Variants in ZDHHC15 observed in about 807,000 individuals in gnomAD.
The protein encoded by ZDHHC15 is palmitoyltransferase ZDHHC15.
Under a neutral mutation model 31.7 loss-of-function variants are expected in ZDHHC15, and 19 were observed. That is an observed-to-expected ratio of 0.60 (90% CI 0.42 to 0.88). The LOEUF is 0.88. Among genes scored for constraint, ZDHHC15 ranks in the 40% least tolerant of loss-of-function variants. The pLI is 0.00. For synonymous variants in ZDHHC15, 103 were observed against 90.0 expected (o/e 1.14, Z -0.82); for missense variants, 209 against 251.2 (o/e 0.83, Z 1.14).
rs746499354 is a variant in ZDHHC15, at chrX:75,434,995, G to A, written c.380-3475C>T. Among the ~76,000 whole-genome samples the A allele has an allele frequency of 1.4e-4, 16 of 111,882 alleles. No individual in the cohort carries two copies. The East Asian group carries it at 2.5e-3, about 18-fold the overall frequency. On this transcript the variant is annotated intron_variant, in intron 4 of 11. Coordinates refer to ENST00000373367, the MANE Select transcript of ZDHHC15 (RefSeq NM_144969.3). The stretch of plus-strand genomic sequence containing the variant: ...ATGGGATGTGTTTCCATTTGTTTAC[G>A]TTGTCTATGATTTCTTTCAGCAGTG...
chrX:75,490,442 T>C (rs2084864258), intron 2 of ZDHHC15, among the ~76,000 whole-genome samples: 1 of 111,815 alleles, frequency 8.9e-6, no homozygotes, highest in African/African-American at 3.3e-5. Flanking sequence ...TATTCAACAT[T>C]CTTAAAGAAA....
intron 3 of ZDHHC15, among the ~76,000 whole-genome samples, chrX:75,451,573 A>G (rs912714037): frequency 8.9e-6 from 1 of 111,868 alleles, no homozygotes; most frequent in Non-Finnish European, 1.9e-5. Context: ...CATTTATTCT[A>G]TCTGTGCCGA....
intron 1 of ZDHHC15, among the ~76,000 whole-genome samples, chrX:75,516,295 A>G (rs886580695): frequency 3.6e-5 from 4 of 112,309 alleles, no homozygotes; most frequent in African/African-American, 1.3e-4. Flanking sequence ...CTAAGCCAAA[A>G]GAACAAAGCT....
chrX:75,373,271 A>G (rs2083020212), intron 11 of ZDHHC15, among the ~76,000 whole-genome samples: 1 of 111,450 alleles, frequency 9.0e-6, no homozygotes, highest in African/African-American at 3.3e-5. Context: ...ATAATTTGAT[A>G]CTTCAAAAAT....
At chrX:75,406,709 CAAA>C (rs34310729) in intron 10 of ZDHHC15, among the ~76,000 whole-genome samples, 13 of 71,206 alleles carry the variant, frequency 1.8e-4, no homozygotes, top group Admixed American at 4.4e-4. Flanking sequence ...AGTCTTCCAT[CAAA>C]AAAAAAAAAA....
intron 10 of ZDHHC15, among the ~76,000 whole-genome samples, chrX:75,409,970 A>G (rs2083467022): frequency 9.0e-6 from 1 of 110,829 alleles, no homozygotes; most frequent in Non-Finnish European, 1.9e-5. Context: ...AAAGGTGCCA[A>G]GAACATACAA....
rs1458364007 is a variant in ZDHHC15 at position 75,491,531 on chromosome X, C to T, written c.164-12546G>A. Among the ~76,000 whole-genome samples, 7 of 106,316 alleles carry T rather than the reference C, an allele frequency of 6.6e-5. No homozygotes were observed. The East Asian group carries it at 8.9e-4, about 14-fold the overall frequency. The allele number at this position is 106,316 out of a possible 115,157, so 92.3% of individuals were successfully genotyped here. ...AGGAGATATACCTAATGCTAAATGACGAGCTAATGGGTGCAGCACACCAGC... is the reference window on the plus strand; with the variant it reads ...AGGAGATATACCTAATGCTAAATGATGAGCTAATGGGTGCAGCACACCAGC... On this transcript the variant is annotated intron_variant, in intron 2 of 11. Transcript: ENST00000373367.
At chrX:75,440,349 G>A (rs1429906196) in intron 4 of ZDHHC15, among the ~76,000 whole-genome samples, 1 of 110,405 alleles carries the variant, frequency 9.1e-6, no homozygotes, top group Non-Finnish European at 1.9e-5. Flanking sequence ...GCACGATCTC[G>A]GCTCAATGCA....
At chrX:75,464,801 T>C (rs1160590178) in intron 3 of ZDHHC15, among the ~76,000 whole-genome samples, 2 of 111,744 alleles carry the variant, frequency 1.8e-5, no homozygotes, top group African/African-American at 6.5e-5. Context: ...TGAAGGAACA[T>C]ACCTCAAAAT....
chrX:75,488,307 T>C (rs906972896), intron 2 of ZDHHC15, among the ~76,000 whole-genome samples: 15 of 111,900 alleles, frequency 1.3e-4, no homozygotes, highest in Non-Finnish European at 2.8e-4. Flanking sequence ...ACCTAGCAGA[T>C]TAACAGCAGA....
intron 10 of ZDHHC15, among the ~76,000 whole-genome samples, chrX:75,391,406 C>A (rs1351920410): frequency 9.0e-6 from 1 of 111,400 alleles, no homozygotes; most frequent in Admixed American, 9.6e-5. Context: ...CCAAATAGGA[C>A]TACATCGAGA....
At chrX:75,485,427 A>G (rs7878508) in intron 2 of ZDHHC15, among the ~76,000 whole-genome samples, 19,913 of 110,469 alleles carry the variant, frequency 0.18, 1,966 homozygotes, top group East Asian at 0.85. Flanking sequence ...ATAGGTACAC[A>G]GCTATGGTGG....
At position 75,453,385 on chromosome X, in the gene ZDHHC15, G is replaced by A. The variant is rs182075020; in HGVS notation, c.259-2463C>T. The stretch of plus-strand genomic sequence containing the variant: ...TAGACCAATAACAGGAGCTGAAATT[G>A]AGACAATAATTAATAGCCTACCAAA... On this transcript the variant is annotated intron_variant, in intron 3 of 11. Transcript: ENST00000373367. Among the ~76,000 whole-genome samples, 5 of 111,553 alleles carry A rather than the reference G, an allele frequency of 4.5e-5. No homozygotes were observed. The Admixed American group carries it at 4.8e-4, about 11-fold the overall frequency.
chrX:75,398,952 C>A (rs939313734), intron 10 of ZDHHC15, among the ~76,000 whole-genome samples: 1 of 112,287 alleles, frequency 8.9e-6, no homozygotes, highest in South Asian at 3.7e-4. Flanking sequence ...CCACTTCCTA[C>A]AGGTGCCTTT....
rs773780705 is a variant in ZDHHC15 at position 75,431,513 on chromosome X, T to A, written c.387A>T (p.Arg129=). The change falls in exon 5 of 12, where the codon CGA becomes CGT. Residue 129 remains arginine, a synonymous_variant. Coordinates refer to ENST00000373367, the MANE Select transcript of ZDHHC15 (RefSeq NM_144969.3). ...TGATCAGATGACACCGGTCACAGAA[T>A]CGTACAGCTATAAAAAAAAAAATAA... ...VYTRTGSGAV[R]FCDRCHLIKP... is the part of the protein sequence containing the mutation. The A allele has an allele frequency of 3.3e-6, 4 of 1,206,688 alleles. No homozygotes were observed. The Admixed American group carries it at 8.8e-5, about 27-fold the overall frequency.
rs769525105 is a variant in ZDHHC15 at position 75,476,330 on chromosome X, T to C, written c.258+2561A>G. Among the ~76,000 whole-genome samples, 75 of 110,797 alleles carry C rather than the reference T, an allele frequency of 6.8e-4. 1 individual carries two copies. The highest frequency in any genetic ancestry group is 1.2e-3 in the Non-Finnish European group (62 of 52,876). ...TTGATAGAATTCATCTGTGAAGCCA[T>C]CTGGTCCTTGGGTTTTCTTTGTTGG... On this transcript the variant is annotated intron_variant, in intron 3 of 11. Transcript: ENST00000373367.
intron 4 of ZDHHC15, among the ~76,000 whole-genome samples, chrX:75,442,718 G>A (rs2083960406): frequency 9.0e-6 from 1 of 111,576 alleles, no homozygotes; most frequent in Admixed American, 9.5e-5. Flanking sequence ...CGGGCGCGGT[G>A]GCTCACGCCT....
chrX:75,518,018 C>T (rs777449473), intron 1 of ZDHHC15, among the ~76,000 whole-genome samples: 4 of 109,811 alleles, frequency 3.6e-5, no homozygotes, highest in Non-Finnish European at 7.6e-5. Flanking sequence ...AAAACCAAAA[C>T]CAACCAACCA....
intron 4 of ZDHHC15, among the ~76,000 whole-genome samples, chrX:75,444,038 A>G (rs2083987485): frequency 9.0e-6 from 1 of 110,607 alleles, no homozygotes; most frequent in Non-Finnish European, 1.9e-5. Flanking sequence ...AACTAGTTCA[A>G]CCATTGTGAA....
Sources: allele counts gnomAD v4.1 joint callset (sites outside exome capture counted in the v4.1 genomes callset), GRCh38; gene constraint gnomAD v4.1.1; transcripts MANE v1.5; gene names NCBI Gene and HGNC (gene_info 2026-07-23, HGNC 2026-07-21).